Variants in NTRK3 observed in about 807,000 individuals in gnomAD.
The protein encoded by NTRK3 is neurotrophic receptor tyrosine kinase 3.
A neutral mutation model predicts 91.7 loss-of-function variants in NTRK3; 24 were observed. The ratio of observed to expected loss-of-function variants is 0.26; its 90% confidence interval spans 0.19 to 0.37. The LOEUF (loss-of-function observed/expected upper bound fraction) is 0.37, where lower values mean the gene tolerates loss of function less well. Among genes scored for constraint, NTRK3 ranks in the 10% least tolerant of loss-of-function variants. The pLI is 1.00. For missense variants in NTRK3, 880 were observed against 1,068.9 expected, an observed-to-expected ratio of 0.82 and a Z score of 2.46; for synonymous variants, 483 against 404.0, an observed-to-expected ratio of 1.20 and a Z score of -2.34.
chr15:87,876,485 C>T (rs2064953846), exon 19 of NTRK3: 1 of 226,512 alleles, frequency 4.4e-6, no homozygotes, highest in Admixed American at 5.7e-5. Flanking sequence ...CGTCCCAGAG[C>T]TCTCATCCCA....
chr15:88,191,115 T>C (rs11852633), intron 3 of NTRK3, among the ~76,000 whole-genome samples: 38,215 of 151,796 alleles, frequency 0.25, 5,857 homozygotes, highest in African/African-American at 0.42. Context: ...TACGACACTA[T>C]CATTATGTTC....
chr15:87,980,466 T>G (rs568750097), intron 14 of NTRK3, among the ~76,000 whole-genome samples: 1 of 152,302 alleles, frequency 6.6e-6, no homozygotes, highest in East Asian at 1.9e-4. Context: ...TGTGTTTTCA[T>G]GTGGATGTGT....
At chr15:87,905,598 G>C (rs754118941) in intron 17 of NTRK3, among the ~76,000 whole-genome samples, 2 of 152,102 alleles carry the variant, frequency 1.3e-5, no homozygotes, top group South Asian at 2.1e-4. Flanking sequence ...GACTGGATGA[G>C]GTCAGTCTGT....
At chr15:87,911,645 A>C (rs2067093449) in intron 17 of NTRK3, among the ~76,000 whole-genome samples, 1 of 152,200 alleles carries the variant, frequency 6.6e-6, no homozygotes, top group South Asian at 2.1e-4. Context: ...CACTCATTGC[A>C]CCAAAATAAT....
At chr15:87,887,163 T>C (rs1482373468) in intron 17 of NTRK3, among the ~76,000 whole-genome samples, 1 of 152,120 alleles carries the variant, frequency 6.6e-6, no homozygotes, top group Non-Finnish European at 1.5e-5. Context: ...TGCACTTAAG[T>C]ATTTGAGCAA....
At chr15:88,083,680 G>A (rs1375662199) in intron 13 of NTRK3, among the ~76,000 whole-genome samples, 1 of 152,142 alleles carries the variant, frequency 6.6e-6, no homozygotes, top group Non-Finnish European at 1.5e-5. Context: ...CCTTCACCCC[G>A]CTGGCTCAAA....
At chr15:87,861,390 T>C (rs1596024657) in exon 19 of NTRK3, 1 of 210,640 alleles carries the variant, frequency 4.7e-6, no homozygotes. Context: ...TAAAGGGACA[T>C]GTAATGTCCA....
At chr15:87,880,574 G>A in intron 17 of NTRK3, 146 bp from the exon 19 acceptor site, 1 of 980,178 alleles carries the variant, frequency 1.0e-6, no homozygotes, top group East Asian at 2.6e-5. Context: ...TCAGAGGTGT[G>A]TGAAGATGCT....
At chr15:87,966,999 T>C (rs548621375) in intron 14 of NTRK3, among the ~76,000 whole-genome samples, 112 of 152,304 alleles carry the variant, frequency 7.4e-4, no homozygotes, top group African/African-American at 2.6e-3. Flanking sequence ...ACATGTCCCT[T>C]AGGGGACAAG....
intron 13 of NTRK3, among the ~76,000 whole-genome samples, chr15:88,082,838 C>T (rs1292503662): frequency 6.6e-6 from 1 of 152,174 alleles, no homozygotes; most frequent in Non-Finnish European, 1.5e-5. Context: ...TTATCTGATT[C>T]AGCTCTTTAT....
intron 13 of NTRK3, among the ~76,000 whole-genome samples, chr15:88,113,165 A>G (rs2051615165): frequency 6.6e-6 from 1 of 152,162 alleles, no homozygotes; most frequent in South Asian, 2.1e-4. Context: ...TATAGCTACT[A>G]TGCAGGGCTG....
chr15:88,204,024 C>G (rs926743530), intron 3 of NTRK3, among the ~76,000 whole-genome samples: 2 of 152,178 alleles, frequency 1.3e-5, no homozygotes, highest in Admixed American at 6.5e-5. Flanking sequence ...AACGCTCTCC[C>G]TCCCCTTTCT....
intron 16 of NTRK3, among the ~76,000 whole-genome samples, chr15:87,930,920 A>G (rs775208168): frequency 6.6e-6 from 1 of 152,142 alleles, no homozygotes; most frequent in African/African-American, 2.4e-5. Flanking sequence ...ATAGAGACAC[A>G]GAGGTCTTCA....
chr15:88,078,776 C>G (rs1037270471), intron 13 of NTRK3, among the ~76,000 whole-genome samples: 2 of 152,226 alleles, frequency 1.3e-5, no homozygotes, highest in African/African-American at 4.8e-5. Context: ...GGGGAAGCGA[C>G]ACTCCAGGCA....
chr15:88,196,064 G>A (rs563049005), intron 3 of NTRK3, among the ~76,000 whole-genome samples: 1 of 152,340 alleles, frequency 6.6e-6, no homozygotes, highest in African/African-American at 2.4e-5. Flanking sequence ...TTAAGCTCAA[G>A]TGCATTGCAT....
chr15:87,877,562 G>T (rs1268006848), intron 18 of NTRK3, among the ~76,000 whole-genome samples: 1 of 151,962 alleles, frequency 6.6e-6, no homozygotes, highest in Non-Finnish European at 1.5e-5. Flanking sequence ...GCACCCTCTG[G>T]CCCCTGCATG....
intron 13 of NTRK3, among the ~76,000 whole-genome samples, chr15:88,105,293 G>A (rs181271752): frequency 2.6e-5 from 4 of 152,204 alleles, no homozygotes; most frequent in Middle Eastern, 3.4e-3. Flanking sequence ...TACATTTAAC[G>A]TGTCAGAGAT....
intron 17 of NTRK3, among the ~76,000 whole-genome samples, chr15:87,920,040 A>C (rs1449868923): frequency 6.6e-6 from 1 of 152,128 alleles, no homozygotes; most frequent in Non-Finnish European, 1.5e-5. Flanking sequence ...TATGGCTGGA[A>C]TCCAAACTCC....
At chr15:87,993,245 G>T (rs929409332) in intron 14 of NTRK3, among the ~76,000 whole-genome samples, 5 of 152,186 alleles carry the variant, frequency 3.3e-5, no homozygotes, top group Admixed American at 6.5e-5. Flanking sequence ...TCAGAATCTG[G>T]CAGGAAATGC....
Sources: allele counts gnomAD v4.1 joint callset (sites outside exome capture counted in the v4.1 genomes callset), GRCh38; gene constraint gnomAD v4.1.1; transcripts MANE v1.5; gene names NCBI Gene and HGNC (gene_info 2026-07-23, HGNC 2026-07-21).